The following ENOX1 variants were observed in gnomAD, a reference collection of about 807,000 sequenced individuals.
ENOX1 encodes the protein candidate growth-related and time keeping constitutive hydroquinone (NADH) oxidase.
ENOX1 carries 42 observed loss-of-function variants against 82.5 expected under a neutral mutation model. The ratio of observed to expected loss-of-function variants is 0.51; its 90% CI spans 0.40 to 0.66. The LOEUF (loss-of-function observed/expected upper bound fraction) is 0.66, where lower values mean the gene tolerates loss of function less well. Among genes scored for constraint, ENOX1 ranks in the 30% least tolerant of loss-of-function variants. The pLI is 0.00. For missense variants in ENOX1, 608 were observed against 811.6 expected (o/e 0.75, Z 3.05); for synonymous variants, 271 against 282.2 (o/e 0.96, Z 0.40).
At chr13:43,626,453 T>C (rs933000791) in intron 2 of ENOX1, among the ~76,000 whole-genome samples, 2 of 151,910 alleles carry the variant, frequency 1.3e-5, no homozygotes, top group African/African-American at 2.4e-5. Context: ...TTTAGTCCTA[T>C]AAATTTCCCT....
At chr13:43,244,366 A>G (rs528624704) in intron 14 of ENOX1, among the ~76,000 whole-genome samples, 3 of 152,242 alleles carry the variant, frequency 2.0e-5, no homozygotes, top group South Asian at 2.1e-4. Flanking sequence ...GTGTTAATAT[A>G]TACTTGGGGT....
At chr13:43,556,706 C>G (rs2153702673) in intron 2 of ENOX1, among the ~76,000 whole-genome samples, 1 of 151,082 alleles carries the variant, frequency 6.6e-6, no homozygotes, top group South Asian at 2.1e-4. Flanking sequence ...AAAGAAAGTT[C>G]CCAGAAGGTT....
chr13:43,475,794 CAAAAA>C lies in ENOX1; in HGVS notation c.-75+8210_-75+8214del, dbSNP rs10624980. Among the ~76,000 whole-genome samples the C allele has an allele frequency of 8.5e-5, 6 of 70,928 alleles. No individual in the cohort carries two copies. In the East Asian group the frequency reaches 2.6e-3, roughly 31 times the overall value. 46.5% of individuals were successfully genotyped at this position (70,928 alleles called of 152,430 possible). A position where few individuals can be genotyped will look rare whatever the true frequency, so the allele number is the denominator to read the frequency against. On this transcript the variant is annotated intron_variant, in intron 3 of 16. Transcript: ENST00000690772. Reference sequence around the variant, plus strand: ...AATCATATACAAAAACATAACTGACCAAAAAAAAAAAAAAAAAAAAAGAAAGGCTT... The same window carrying C: ...AATCATATACAAAAACATAACTGACCAAAAAAAAAAAAAAAAGAAAGGCTT...
At chr13:43,687,937 G>A (rs551208685) in intron 1 of ENOX1, among the ~76,000 whole-genome samples, 1 of 152,182 alleles carries the variant, frequency 6.6e-6, no homozygotes, top group South Asian at 2.1e-4. Flanking sequence ...GGTGAAAGGA[G>A]AATGTAGGAA....
At chr13:43,244,256 C>T (rs867109852) in intron 14 of ENOX1, among the ~76,000 whole-genome samples, 3 of 151,724 alleles carry the variant, frequency 2.0e-5, no homozygotes, top group Admixed American at 6.6e-5. Flanking sequence ...AGTGAGACAG[C>T]GCTTTCAAAA....
chr13:43,284,422 T>C (rs2045572813), intron 12 of ENOX1, among the ~76,000 whole-genome samples: 1 of 152,180 alleles, frequency 6.6e-6, no homozygotes, highest in Admixed American at 6.5e-5. Flanking sequence ...GGTGGAAATA[T>C]ACATATCTTA....
chr13:43,213,224 C>T lies in ENOX1; in HGVS notation c.*766G>A, dbSNP rs537147723. ...CTGAATGTTTATTTTGATGCATAAA[C>T]CTGAATGTTACATACCAAGTACAAG... On this transcript the variant is annotated 3_prime_UTR_variant, in exon 17 of 17. Coordinates refer to ENST00000690772, the MANE Select transcript of ENOX1 (RefSeq NM_001347969.2). Among the ~76,000 whole-genome samples the T allele has an allele frequency of 1.3e-5, 2 of 152,154 alleles. No homozygotes were observed. The highest frequency in any genetic ancestry group is 4.8e-5 in the African/African-American group (2 of 41,534).
At chr13:43,724,871 A>AGTGATTTGGTTT (rs1389035940) in intron 1 of ENOX1, among the ~76,000 whole-genome samples, 19 of 152,190 alleles carry the variant, frequency 1.2e-4, no homozygotes, top group Admixed American at 3.3e-4. Flanking sequence ...ATTTTATACT[A>AGTGATTTGGTTT]GTGATTTGGT....
chr13:43,541,298 A>G (rs2078716505), intron 2 of ENOX1, among the ~76,000 whole-genome samples: 1 of 149,406 alleles, frequency 6.7e-6, no homozygotes, highest in Non-Finnish European at 1.5e-5. Flanking sequence ...CAGGAGTTTG[A>G]GGCCAGCCTG....
At chr13:43,566,742 C>T (rs543838126) in intron 2 of ENOX1, among the ~76,000 whole-genome samples, 1 of 151,630 alleles carries the variant, frequency 6.6e-6, no homozygotes, top group Admixed American at 6.6e-5. Flanking sequence ...ATTGTCTCCA[C>T]GCTCAGAAGA....
rs1176031329 is a variant in ENOX1 at position 43,491,052 on chromosome 13, C to T, written c.-218-6900G>A. ...AAATTTATTTTGGCTTATGGTTCTTCAGCCTATACAGGAAGCATGGCGCTG... is the reference window on the plus strand; with the variant it reads ...AAATTTATTTTGGCTTATGGTTCTTTAGCCTATACAGGAAGCATGGCGCTG... On this transcript the variant is annotated intron_variant, in intron 2 of 16. Coordinates refer to ENST00000690772, the MANE Select transcript of ENOX1 (RefSeq NM_001347969.2). Among the ~76,000 whole-genome samples the T allele has an allele frequency of 2.0e-5, 3 of 152,164 alleles. No individual in the cohort carries two copies. The East Asian group carries it at 5.8e-4, about 29-fold the overall frequency.
chr13:43,588,950 G>A (rs2081115323), intron 2 of ENOX1, among the ~76,000 whole-genome samples: 1 of 152,098 alleles, frequency 6.6e-6, no homozygotes, highest in South Asian at 2.1e-4. Flanking sequence ...GTATTTTAAT[G>A]GCAAAGAGCA....
chr13:43,534,479 T>C (rs1453007132), intron 2 of ENOX1, among the ~76,000 whole-genome samples: 1 of 152,138 alleles, frequency 6.6e-6, no homozygotes, highest in Non-Finnish European at 1.5e-5. Flanking sequence ...AAAAAACAAC[T>C]GTTCGCTACC....
At chr13:43,265,885 C>T (rs1237358268) in intron 13 of ENOX1, among the ~76,000 whole-genome samples, 3 of 152,208 alleles carry the variant, frequency 2.0e-5, no homozygotes, top group African/African-American at 7.2e-5. Context: ...TTTTAACATG[C>T]TACTGTGCTA....
intron 1 of ENOX1, among the ~76,000 whole-genome samples, chr13:43,722,711 A>G (rs2088662794): frequency 6.6e-6 from 1 of 152,054 alleles, no homozygotes. Context: ...TATCACTGTT[A>G]TTATTACTCT....
intron 2 of ENOX1, among the ~76,000 whole-genome samples, chr13:43,630,860 T>TATATACACACAC (rs34023929): frequency 8.6e-4 from 127 of 147,798 alleles, no homozygotes; most frequent in African/African-American, 1.3e-3. Flanking sequence ...TATATATATA[T>TATATACACACAC]ACACACACAC....
intron 14 of ENOX1, among the ~76,000 whole-genome samples, chr13:43,259,199 A>C (rs954533961): frequency 6.6e-6 from 1 of 152,180 alleles, no homozygotes; most frequent in Non-Finnish European, 1.5e-5. Flanking sequence ...TGTATGGCTT[A>C]GGGTCACTCA....
At chr13:43,321,004 T>C in intron 11 of ENOX1, 1 of 455,714 alleles carries the variant, frequency 2.2e-6, no homozygotes, top group Non-Finnish European at 4.4e-6. Flanking sequence ...GCAGGAGACA[T>C]ACATCATTGA....
At chr13:43,634,856 G>A (rs1388138014) in intron 2 of ENOX1, among the ~76,000 whole-genome samples, 3 of 152,192 alleles carry the variant, frequency 2.0e-5, no homozygotes, top group Non-Finnish European at 4.4e-5. Context: ...ATGGGCAAAA[G>A]AGGTCATAAA....
Sources: gnomAD v4.1 joint callset for allele counts (sites outside exome capture counted in the v4.1 genomes callset) on GRCh38, gnomAD v4.1.1 for gene constraint, MANE v1.5 for transcripts, NCBI Gene and HGNC (gene_info 2026-07-23, HGNC 2026-07-21) for gene names.